The following PLPPR1 variants were observed in gnomAD, a reference collection of about 807,000 sequenced individuals.
PLPPR1 encodes the protein phospholipid phosphatase related 1, also known as phospholipid phosphatase-related protein type 1.
Under a neutral mutation model 33.1 loss-of-function variants are expected in PLPPR1, and 10 were observed. That is an observed-to-expected ratio of 0.30 (90% CI 0.19 to 0.51). PLPPR1 has a LOEUF of 0.51. PLPPR1 is among the 20% of genes least tolerant of loss of function. The probability of loss-of-function intolerance (pLI) is 0.97; values close to 1 mark genes in which losing one functional copy is unlikely to be tolerated. For synonymous variants in PLPPR1, 151 were observed against 151.0 expected (o/e 1.00, Z 0.00); for missense variants, 304 against 408.1 (o/e 0.74, Z 2.20).
intron 2 of PLPPR1, among the ~76,000 whole-genome samples, chr9:101,244,373 G>A (rs1827542411): frequency 6.6e-6 from 1 of 151,940 alleles, no homozygotes; most frequent in Non-Finnish European, 1.5e-5. Context: ...TCAAGATTCA[G>A]AAAGACGAAA....
At chr9:101,302,283 T>C (rs908925211) in intron 4 of PLPPR1, among the ~76,000 whole-genome samples, 7 of 152,246 alleles carry the variant, frequency 4.6e-5, no homozygotes, top group African/African-American at 1.7e-4. Flanking sequence ...TATTACCTGG[T>C]ATCCATGGCA....
At chr9:101,100,697 C>CGTGTGTGT (rs56760066) in intron 1 of PLPPR1, among the ~76,000 whole-genome samples, 3,187 of 146,892 alleles carry the variant, frequency 0.022, 44 homozygotes, top group Middle Eastern at 0.062. Flanking sequence ...CTCTTTGTTC[C>CGTGTGTGT]GTGTGTGTGT....
intron 2 of PLPPR1, among the ~76,000 whole-genome samples, chr9:101,196,106 A>G (rs117237515): frequency 0.01 from 1,591 of 152,172 alleles, 10 homozygotes; most frequent in Middle Eastern, 0.02. Context: ...TATAATATCA[A>G]CCAGTCTAGA....
At chr9:101,257,695 A>G (rs1003618810) in intron 2 of PLPPR1, among the ~76,000 whole-genome samples, 3 of 152,180 alleles carry the variant, frequency 2.0e-5, no homozygotes, top group Middle Eastern at 3.2e-3. Context: ...GATAGAAAAC[A>G]CATTACATGC....
intron 1 of PLPPR1, among the ~76,000 whole-genome samples, chr9:101,032,800 C>A (rs1339088960): frequency 6.6e-6 from 1 of 152,044 alleles, no homozygotes; most frequent in African/African-American, 2.4e-5. Context: ...TCTCAGCTGC[C>A]CCTATGAAGA....
chr9:101,316,611 T>A (rs1829054087), intron 6 of PLPPR1, among the ~76,000 whole-genome samples: 1 of 76,792 alleles, frequency 1.3e-5, no homozygotes. Flanking sequence ...AGGGTTCTTC[T>A]TGGGCAAAAA....
intron 2 of PLPPR1, among the ~76,000 whole-genome samples, chr9:101,238,355 A>ATATG (rs1197582963): frequency 1.2e-4 from 17 of 142,750 alleles, no homozygotes; most frequent in African/African-American, 4.4e-4. Flanking sequence ...AGAGGTGTAT[A>ATATG]TATATATATG....
intron 4 of PLPPR1, among the ~76,000 whole-genome samples, chr9:101,288,011 AC>A (rs1163386429): frequency 6.6e-6 from 1 of 152,318 alleles, no homozygotes; most frequent in Non-Finnish European, 1.5e-5. Flanking sequence ...AAATTGGAAT[AC>A]CTTTTAAAGT....
At chr9:101,297,804 TTA>T (rs1828676953) in intron 4 of PLPPR1, among the ~76,000 whole-genome samples, 1 of 152,204 alleles carries the variant, frequency 6.6e-6, no homozygotes, top group African/African-American at 2.4e-5. Context: ...TTCATTTCTT[TTA>T]CTTTATACCA....
chr9:101,233,637 T>C (rs2118826077), intron 2 of PLPPR1, among the ~76,000 whole-genome samples: 1 of 152,104 alleles, frequency 6.6e-6, no homozygotes, highest in East Asian at 1.9e-4. Flanking sequence ...TCTCTTGCTA[T>C]TGCTCTTTCT....
At chr9:101,252,032 T>C (rs1827721510) in intron 2 of PLPPR1, among the ~76,000 whole-genome samples, 1 of 152,188 alleles carries the variant, frequency 6.6e-6, no homozygotes, top group African/African-American at 2.4e-5. Flanking sequence ...CATATTTATA[T>C]ATTACAATAT....
chr9:101,057,809 T>C (rs1482426943), intron 1 of PLPPR1, among the ~76,000 whole-genome samples: 1 of 151,862 alleles, frequency 6.6e-6, no homozygotes, highest in Non-Finnish European at 1.5e-5. Context: ...TTGGAAGGAG[T>C]GTTTGGTTGA....
At chr9:101,049,858 G>C (rs113301031) in intron 1 of PLPPR1, among the ~76,000 whole-genome samples, 3,154 of 151,944 alleles carry the variant, frequency 0.021, 112 homozygotes, top group African/African-American at 0.072. Flanking sequence ...ATGCGCGGTG[G>C]CTCATGCCTG....
chr9:101,029,824 G>A (rs1455395015), intron 1 of PLPPR1, among the ~76,000 whole-genome samples: 1 of 152,204 alleles, frequency 6.6e-6, no homozygotes, highest in Admixed American at 6.5e-5. Flanking sequence ...CTGTCTTCAC[G>A]CACACCATCG....
At chr9:101,115,997 GAGA>G (rs35267904) in intron 1 of PLPPR1, among the ~76,000 whole-genome samples, 75,821 of 151,786 alleles carry the variant, frequency 0.5, 19,208 homozygotes, top group African/African-American at 0.57. Context: ...TTCAGAGAAT[GAGA>G]AGAACATTCT....
chr9:101,170,414 G>A (rs1825921819), intron 1 of PLPPR1, among the ~76,000 whole-genome samples: 1 of 152,002 alleles, frequency 6.6e-6, no homozygotes, highest in Admixed American at 6.6e-5. Flanking sequence ...ACTTGTTCAG[G>A]GGAACTCCTC....
At chr9:101,156,586 GA>G (rs1304411678) in intron 1 of PLPPR1, among the ~76,000 whole-genome samples, 2 of 129,756 alleles carry the variant, frequency 1.5e-5, no homozygotes, top group African/African-American at 5.8e-5. Context: ...AAGAAAGAAA[GA>G]AAAAAAAGAA....
chr9:101,075,878 T>C (rs964822538), intron 1 of PLPPR1, among the ~76,000 whole-genome samples: 2 of 151,984 alleles, frequency 1.3e-5, no homozygotes, highest in Non-Finnish European at 2.9e-5. Context: ...AAGAAGGCCC[T>C]TCAGAGAAGG....
intron 1 of PLPPR1, among the ~76,000 whole-genome samples, chr9:101,041,296 C>T (rs536303093): frequency 1.6e-4 from 25 of 152,162 alleles, no homozygotes; most frequent in African/African-American, 5.3e-4. Flanking sequence ...CCAGGTAAAG[C>T]GGTGCAATTC....
Sources: allele counts gnomAD v4.1 joint callset (sites outside exome capture counted in the v4.1 genomes callset), GRCh38; gene constraint gnomAD v4.1.1; transcripts MANE v1.5; gene names NCBI Gene and HGNC (gene_info 2026-07-23, HGNC 2026-07-21).